PLEKHA7: variants seen among roughly 807,000 people sequenced by gnomAD.
PLEKHA7 encodes the protein pleckstrin homology domain containing A7.
In PLEKHA7, 104 loss-of-function variants were observed where a neutral mutation model predicts 170.0. The observed-to-expected ratio is 0.61, with a 90% CI of 0.52 to 0.72. The LOEUF (loss-of-function observed/expected upper bound fraction) is 0.72, where lower values mean the gene tolerates loss of function less well. Among genes scored for constraint, PLEKHA7 ranks in the 30% least tolerant of loss-of-function variants. The pLI, the probability that PLEKHA7 is intolerant of heterozygous loss-of-function variation, is 0.00. For synonymous variants in PLEKHA7, 648 were observed against 660.8 expected (o/e 0.98, Z 0.30); for missense variants, 1,615 against 1,671.7 (o/e 0.97, Z 0.59).
chr11:16,927,199 T>C lies in PLEKHA7; in HGVS notation c.222-56017A>G, dbSNP rs1859623461. On this transcript the variant is annotated intron_variant, in intron 3 of 26. Transcript: ENST00000531066. ...GTCTCAAAACAAAATAAAAATAAAA[T>C]GAGAGGTTGGATTAGGACATTGTTT... is the stretch of plus-strand genomic sequence containing the variant. Among the ~76,000 whole-genome samples the C allele has an allele frequency of 3.9e-5, 6 of 152,234 alleles. No individual in the cohort carries two copies. In the South Asian group the frequency reaches 1.2e-3, roughly 32 times the overall value.
chr11:16,940,985 G>A (rs1021071641), intron 3 of PLEKHA7, among the ~76,000 whole-genome samples: 1 of 152,094 alleles, frequency 6.6e-6, no homozygotes, highest in African/African-American at 2.4e-5. Context: ...TCCACTCTCT[G>A]GATAAACGAT....
At chr11:16,925,208 G>A (rs1859423083) in intron 3 of PLEKHA7, among the ~76,000 whole-genome samples, 1 of 152,216 alleles carries the variant, frequency 6.6e-6, no homozygotes, top group Non-Finnish European at 1.5e-5. Context: ...TTTGGGAAGC[G>A]GCGCTCTCTG....
intron 3 of PLEKHA7, among the ~76,000 whole-genome samples, chr11:16,931,919 C>G (rs1859966721): frequency 6.6e-6 from 1 of 152,120 alleles, no homozygotes; most frequent in African/African-American, 2.4e-5. Context: ...AAGCATTGGC[C>G]ACACAGGAAG....
intron 12 of PLEKHA7, among the ~76,000 whole-genome samples, chr11:16,815,667 C>T (rs1170524147): frequency 6.6e-6 from 1 of 152,106 alleles, no homozygotes; most frequent in Non-Finnish European, 1.5e-5. Context: ...AGGAGTGTAC[C>T]ACCACACCCA....
intron 10 of PLEKHA7, among the ~76,000 whole-genome samples, chr11:16,818,128 T>G (rs968317020): frequency 6.6e-6 from 1 of 152,110 alleles, no homozygotes. Flanking sequence ...CCTCCACACC[T>G]TAGCAACATC....
chr11:16,930,317 C>T (rs1859839407), intron 3 of PLEKHA7, among the ~76,000 whole-genome samples: 1 of 151,644 alleles, frequency 6.6e-6, no homozygotes, highest in Non-Finnish European at 1.5e-5. Context: ...ATGGTGGCAC[C>T]TGCCTACAGC....
At chr11:16,914,373 C>T (rs557815379) in intron 3 of PLEKHA7, among the ~76,000 whole-genome samples, 6 of 152,308 alleles carry the variant, frequency 3.9e-5, no homozygotes, top group East Asian at 1.9e-4. Context: ...TCTATTTCAT[C>T]GGCACAGCCA....
chr11:16,964,839 C>T (rs1369162646), intron 3 of PLEKHA7, among the ~76,000 whole-genome samples: 4 of 152,132 alleles, frequency 2.6e-5, no homozygotes, highest in African/African-American at 4.8e-5. Flanking sequence ...AGATGACCCA[C>T]GGAGTTCTAG....
rs754614638 is a variant in PLEKHA7, at chr11:16,826,401, G to C, written c.1062C>G (p.Gly354=). ...ACCTGGCCTTGCTCCGGTCCCGCTT[G>C]CCCTCCAGTGGGTCCCTCTGGGAAC... ...QYRSQRDPLE[G]KRDRSKARSP... is the part of the protein sequence containing the mutation. The change falls in exon 10 of 27, where the codon GGC becomes GGG. Residue 354 remains glycine (G), a synonymous_variant. Coordinates refer to ENST00000531066, the MANE Select transcript of PLEKHA7 (RefSeq NM_001329630.2). 1 of 1,614,246 alleles carries C rather than the reference G, an allele frequency of 6.2e-7. No individual in the cohort carries two copies.
At chr11:16,968,623 T>C (rs1862520408) in intron 3 of PLEKHA7, among the ~76,000 whole-genome samples, 1 of 152,182 alleles carries the variant, frequency 6.6e-6, no homozygotes, top group Admixed American at 6.5e-5. Context: ...TGTTTCTTGC[T>C]TACAATGGAA....
rs1168244124 is a variant in PLEKHA7, at chr11:16,789,267, G to A, written c.3186C>T (p.Tyr1062=). The change falls in exon 23 of 27, where the codon TAC becomes TAT. Residue 1062 remains tyrosine, a synonymous_variant. Transcript: ENST00000531066. The surrounding 1 kb of genome is among the most constrained non-coding windows in gnomAD (Gnocchi z 4.6). Reference sequence around the variant, plus strand: ...TCTTGCCTCGCTGGTGATCCCCTGAGTACAGGCGCTCCAAGGCACTCTTAG... The same window carrying A: ...TCTTGCCTCGCTGGTGATCCCCTGAATACAGGCGCTCCAAGGCACTCTTAG... ...PRPKSALERL[Y]SGDHQRGKMS... 4 of 1,613,524 alleles carry A rather than the reference G, an allele frequency of 2.5e-6. No individual in the cohort carries two copies. Among genetic ancestry groups the A allele is most frequent in the East Asian group, 2.2e-5 (1 of 44,894 alleles).
At chr11:16,885,115 T>C (rs1312688686) in intron 3 of PLEKHA7, among the ~76,000 whole-genome samples, 1 of 151,820 alleles carries the variant, frequency 6.6e-6, no homozygotes, top group African/African-American at 2.4e-5. Flanking sequence ...CCATGGCAGG[T>C]GGATCATTTG....
intron 3 of PLEKHA7, among the ~76,000 whole-genome samples, chr11:16,932,872 G>A (rs776304144): frequency 6.6e-6 from 1 of 152,208 alleles, no homozygotes; most frequent in Non-Finnish European, 1.5e-5. Context: ...TTGTTCCTGG[G>A]AAGGAAGAAG....
In PLEKHA7 at chr11:16,789,344, G is replaced by A. The variant is rs1159104657; in HGVS notation, c.3157-48C>T. ...GAGAGACACAGAACAGCTGGGCTGG[G>A]CACGCAGAGGACAGCCACCCTGCTG... On this transcript the variant is annotated intron_variant, in intron 22 of 26. Coordinates refer to ENST00000531066, the MANE Select transcript of PLEKHA7 (RefSeq NM_001329630.2). The surrounding 1 kb of genome is among the most constrained non-coding windows in gnomAD (Gnocchi z 4.6). 2.5e-6 allele frequency: 4 copies of A among 1,570,386 alleles called. No individual in the cohort carries two copies. Among genetic ancestry groups the A allele is most frequent in the Non-Finnish European group, 3.5e-6 (4 of 1,146,500 alleles).
chr11:16,812,790 C>T (rs180692597), intron 13 of PLEKHA7, among the ~76,000 whole-genome samples: 32 of 152,292 alleles, frequency 2.1e-4, no homozygotes, highest in African/African-American at 6.7e-4. Flanking sequence ...TACACCCCTG[C>T]CCCCACTGGA....
At chr11:16,867,374 A>G (rs889491203) in intron 4 of PLEKHA7, among the ~76,000 whole-genome samples, 1 of 152,184 alleles carries the variant, frequency 6.6e-6, no homozygotes, top group Admixed American at 6.5e-5. Context: ...TACCTACAAG[A>G]AACTGGGGAG....
intron 4 of PLEKHA7, among the ~76,000 whole-genome samples, chr11:16,868,357 C>A (rs895850220): frequency 1.3e-5 from 2 of 152,198 alleles, no homozygotes; most frequent in Non-Finnish European, 2.9e-5. Context: ...CTTCTCCATG[C>A]CTCTAATCTG....
chr11:16,868,604 T>G (rs1178652111), intron 4 of PLEKHA7, among the ~76,000 whole-genome samples: 2 of 152,204 alleles, frequency 1.3e-5, no homozygotes, highest in Non-Finnish European at 2.9e-5. Flanking sequence ...ATTTAATGTA[T>G]AAGTGCAGGA....
chr11:16,783,879 G>A (rs1849227882), intron 24 of PLEKHA7, 46 bp from the exon 25 acceptor site: 2 of 1,378,946 alleles, frequency 1.5e-6, no homozygotes, highest in East Asian at 3.0e-5. Flanking sequence ...TCAGATGTCT[G>A]GGTTTAGGAC....
Sources: gnomAD v4.1 joint callset for allele counts (sites outside exome capture counted in the v4.1 genomes callset) on GRCh38, gnomAD v4.1.1 for gene constraint, Gnocchi (gnomAD v3.1) non-coding constraint, MANE v1.5 for transcripts, NCBI Gene and HGNC (gene_info 2026-07-23, HGNC 2026-07-21) for gene names.